Variants in CACNA2D3 observed in about 807,000 individuals in gnomAD.
CACNA2D3 encodes voltage-dependent calcium channel subunit alpha-2/delta-3.
In CACNA2D3, 60 loss-of-function variants were observed where a neutral mutation model predicts 160.6. The observed-to-expected ratio is 0.37, with a 90% confidence interval of 0.30 to 0.46. The LOEUF (loss-of-function observed/expected upper bound fraction) is 0.46. Ranked by LOEUF, CACNA2D3 falls within the 20% of genes least tolerant of loss-of-function variation. The pLI, the probability that CACNA2D3 is intolerant of heterozygous loss-of-function variation, is 1.00. For synonymous variants in CACNA2D3, 558 were observed against 492.9 expected, an observed-to-expected ratio of 1.13 and a Z score of -1.75; for missense variants, 1,205 against 1,365.0, an observed-to-expected ratio of 0.88 and a Z score of 1.85.
At chr3:54,805,743 C>T (rs984717337) in intron 13 of CACNA2D3, among the ~76,000 whole-genome samples, 2 of 152,144 alleles carry the variant, frequency 1.3e-5, no homozygotes, top group African/African-American at 2.4e-5. Context: ...GGCAGAGACA[C>T]AACCAAAAAA....
At chr3:54,736,052 C>CGT (rs1701504300) in intron 11 of CACNA2D3, among the ~76,000 whole-genome samples, 1 of 47,246 alleles carries the variant, frequency 2.1e-5, no homozygotes, top group African/African-American at 9.0e-5. Context: ...TATACACATA[C>CGT]ATATGTATGT....
At chr3:54,758,521 G>A (rs935700901) in intron 12 of CACNA2D3, among the ~76,000 whole-genome samples, 1 of 152,146 alleles carries the variant, frequency 6.6e-6, no homozygotes, top group Non-Finnish European at 1.5e-5. Context: ...AGAGAAGACA[G>A]GGAGGTAGGA....
At chr3:54,220,461 C>T (rs1228994576) in intron 2 of CACNA2D3, among the ~76,000 whole-genome samples, 1 of 152,120 alleles carries the variant, frequency 6.6e-6, no homozygotes, top group Admixed American at 6.5e-5. Flanking sequence ...GCTTAGAAAA[C>T]GAAGCCACAC....
At chr3:54,989,210 A>G (rs974938285) in intron 31 of CACNA2D3, among the ~76,000 whole-genome samples, 3 of 152,180 alleles carry the variant, frequency 2.0e-5, no homozygotes, top group Non-Finnish European at 4.4e-5. Flanking sequence ...TTGAAAGCAC[A>G]TTTTTCAACT....
At chr3:55,006,980 C>T (rs976273232) in intron 32 of CACNA2D3, among the ~76,000 whole-genome samples, 9 of 152,098 alleles carry the variant, frequency 5.9e-5, no homozygotes, top group Admixed American at 1.3e-4. Flanking sequence ...GCCCAGAGCC[C>T]GGGATTTGCC....
At chr3:54,582,037 A>G (rs1029959264) in intron 9 of CACNA2D3, among the ~76,000 whole-genome samples, 160 bp downstream of exon 9, 3 of 152,212 alleles carry the variant, frequency 2.0e-5, no homozygotes, top group South Asian at 2.1e-4. Flanking sequence ...AAAGAAAATC[A>G]TGGCACTAAA....
At chr3:55,049,970 A>G (rs1373750055) in intron 35 of CACNA2D3, among the ~76,000 whole-genome samples, 2 of 150,418 alleles carry the variant, frequency 1.3e-5, no homozygotes, top group Non-Finnish European at 3.0e-5. Flanking sequence ...ATCTTCGTCC[A>G]TCCTTTTATT....
At chr3:54,678,445 G>A (rs533776257) in intron 11 of CACNA2D3, among the ~76,000 whole-genome samples, 2 of 152,162 alleles carry the variant, frequency 1.3e-5, no homozygotes, top group East Asian at 1.9e-4. Context: ...ATGACTGGCC[G>A]GGCGCGGTGG....
intron 2 of CACNA2D3, among the ~76,000 whole-genome samples, chr3:54,201,961 C>G (rs1701187933): frequency 6.6e-6 from 1 of 151,964 alleles, no homozygotes; most frequent in Non-Finnish European, 1.5e-5. Context: ...ATGGGGTTGC[C>G]AGATTAAAGA....
intron 17 of CACNA2D3, among the ~76,000 whole-genome samples, chr3:54,863,368 T>C (rs182647225): frequency 6.6e-6 from 1 of 152,256 alleles, no homozygotes; most frequent in Admixed American, 6.5e-5. Flanking sequence ...TTTCTCAGCG[T>C]TACTCCTTTG....
At chr3:54,184,678 T>C (rs767031332) in intron 2 of CACNA2D3, among the ~76,000 whole-genome samples, 14 of 152,232 alleles carry the variant, frequency 9.2e-5, no homozygotes, top group Non-Finnish European at 1.5e-4. Flanking sequence ...CTCGATGGCA[T>C]TGAATCCATT....
chr3:54,841,285 T>A (rs1395548960), intron 16 of CACNA2D3, among the ~76,000 whole-genome samples: 1 of 152,206 alleles, frequency 6.6e-6, no homozygotes, highest in Non-Finnish European at 1.5e-5. Context: ...CTCAACATCA[T>A]TCTGCTAGTA....
At chr3:54,763,688 T>C (rs1322172450) in intron 12 of CACNA2D3, among the ~76,000 whole-genome samples, 3 of 139,852 alleles carry the variant, frequency 2.1e-5, no homozygotes, top group Admixed American at 7.3e-5. Context: ...TATATATGTG[T>C]GTATATATGT....
chr3:54,310,844 G>T (rs1481745954), intron 2 of CACNA2D3, among the ~76,000 whole-genome samples: 1 of 152,210 alleles, frequency 6.6e-6, no homozygotes, highest in Admixed American at 6.5e-5. Context: ...CTCAAGAGCA[G>T]TATGAGGTCT....
chr3:54,652,557 G>C (rs981771876), intron 11 of CACNA2D3, among the ~76,000 whole-genome samples: 2 of 152,152 alleles, frequency 1.3e-5, no homozygotes, highest in Admixed American at 1.3e-4. Flanking sequence ...AGCTGGGTGG[G>C]GAAGGCATTC....
At chr3:55,037,751 C>T (rs1208708348) in intron 35 of CACNA2D3, among the ~76,000 whole-genome samples, 3 of 152,198 alleles carry the variant, frequency 2.0e-5, no homozygotes, top group African/African-American at 7.2e-5. Flanking sequence ...GATGTCACTT[C>T]TCCCCTCTGA....
chr3:54,524,256 A>C (rs1041638493), intron 5 of CACNA2D3, among the ~76,000 whole-genome samples: 2 of 152,076 alleles, frequency 1.3e-5, no homozygotes, highest in African/African-American at 4.8e-5. Context: ...TTCTTCTTTG[A>C]TGCACTGGTT....
chr3:54,138,232 C>T (rs1226100502), intron 2 of CACNA2D3, among the ~76,000 whole-genome samples: 1 of 152,220 alleles, frequency 6.6e-6, no homozygotes, highest in South Asian at 2.1e-4. Flanking sequence ...TTGCCTCTTC[C>T]TTTGCCAGCA....
chr3:54,752,804 C>T, intron 12 of CACNA2D3, 127 bp downstream of exon 12: 1 of 595,500 alleles, frequency 1.7e-6, no homozygotes, highest in Non-Finnish European at 3.0e-6. Context: ...TAAGTGATTA[C>T]TGATAGACTT....
Sources: allele counts gnomAD v4.1 joint callset (sites outside exome capture counted in the v4.1 genomes callset), GRCh38; gene constraint gnomAD v4.1.1; transcripts MANE v1.5; gene names NCBI Gene and HGNC (gene_info 2026-07-23, HGNC 2026-07-21).